POLRMT: variants seen among roughly 807,000 people sequenced by gnomAD.
POLRMT encodes the protein RNA polymerase mitochondrial, also known as DNA-directed RNA polymerase, mitochondrial.
Under a neutral mutation model 132.2 loss-of-function variants are expected in POLRMT, and 114 were observed. That is an observed-to-expected ratio of 0.86 (90% CI 0.74 to 1.01). The LOEUF (loss-of-function observed/expected upper bound fraction) is 1.01, where lower values mean the gene tolerates loss of function less well. Among genes scored for constraint, POLRMT ranks in the 50% least tolerant of loss-of-function variants. POLRMT has a pLI of 0.00. For synonymous variants in POLRMT, 1,020 were observed against 773.4 expected, an observed-to-expected ratio of 1.32 and a Z score of -5.29; for missense variants, 2,003 against 1,729.1, an observed-to-expected ratio of 1.16 and a Z score of -2.81.
chr19:633,170 G>A, intron 1 of POLRMT: 1 of 601,866 alleles, frequency 1.7e-6, no homozygotes, highest in Non-Finnish European at 2.7e-6. Context: ...GGTGCAGCAG[G>A]TCAAAGGTTA....
chr19:622,548 C>T (rs753099345), intron 8 of POLRMT, 34 bp downstream of exon 8: 4 of 1,564,980 alleles, frequency 2.6e-6, no homozygotes. Flanking sequence ...CCACCACTGG[C>T]CCCAGCCAGG....
At chr19:628,227 C>T (rs749474379) in intron 3 of POLRMT, among the ~76,000 whole-genome samples, 1 of 152,188 alleles carries the variant, frequency 6.6e-6, no homozygotes, top group Non-Finnish European at 1.5e-5. Context: ...CTGTGCAAGC[C>T]GCCAGGTTTG....
At chr19:629,466 A>G in intron 3 of POLRMT, 74 bp downstream of exon 3, 1 of 1,353,864 alleles carries the variant, frequency 7.4e-7, no homozygotes, top group South Asian at 2.1e-5. Flanking sequence ...AAGAGAGAAA[A>G]GTCCAGTCTA....
intron 2 of POLRMT, among the ~76,000 whole-genome samples, chr19:632,460 C>T (rs1337585377): frequency 1.3e-5 from 2 of 152,036 alleles, no homozygotes; most frequent in Non-Finnish European, 2.9e-5. Flanking sequence ...GCCTACCCCC[C>T]AGAGCCAAGC....
intron 3 of POLRMT, among the ~76,000 whole-genome samples, chr19:627,398 C>T (rs3787001): frequency 2.0e-5 from 3 of 151,210 alleles, no homozygotes; most frequent in Non-Finnish European, 1.5e-5. Context: ...GTGATCCGCC[C>T]GCCTCAGCCT....
At chr19:631,876 G>C (rs1416145621) in intron 2 of POLRMT, among the ~76,000 whole-genome samples, 1 of 152,156 alleles carries the variant, frequency 6.6e-6, no homozygotes, top group African/African-American at 2.4e-5. Flanking sequence ...CCGGGTTCAA[G>C]CGATTTTCCT....
intron 20 of POLRMT, 47 bp downstream of exon 20, chr19:617,372 C>T: frequency 2.5e-6 from 4 of 1,612,430 alleles, no homozygotes; most frequent in East Asian, 2.2e-5. Context: ...AAGCCCCGCC[C>T]TGGCCCGCAG....
rs1163205935 is a variant in POLRMT at position 617,626 on chromosome 19, G to A, written c.3525C>T (p.His1175=). The A allele has an allele frequency of 1.2e-6, 2 of 1,612,356 alleles. No homozygotes were observed. The highest frequency in any genetic ancestry group is 1.1e-5 in the South Asian group (1 of 91,088). ...ACAGGTCCTGCAGGATGGGCTCGCT[G>A]TGCAAGCGGACAAACTGCTCCCGGC... ...QVCREQFVRL[H]SEPILQDLSR... Residue 1175 remains histidine, a synonymous_variant, in exon 19 of 21, where the codon CAC becomes CAT. Transcript: ENST00000588649.
chr19:618,713 G>A lies in POLRMT; in HGVS notation c.3315C>T (p.Asp1105=), dbSNP rs747904005. Reference sequence around the variant, plus strand: ...CCGGGCCCCCCACTCACCGGCTGATGTCTCCGTTGTGGGTGTAGGTGATGC... The same window carrying A: ...CCGGGCCCCCCACTCACCGGCTGATATCTCCGTTGTGGGTGTAGGTGATGC... The part of the protein sequence containing the change: ...IQSITYTHNG[D]ISRKPNTRKQ... The change falls in exon 16 of 21, where the codon GAC becomes GAT. Residue 1105 remains aspartate (D), a synonymous_variant. Coordinates refer to ENST00000588649, the MANE Select transcript of POLRMT (RefSeq NM_005035.4). 1.3e-5 allele frequency: 21 copies of A among 1,607,756 alleles called. No homozygotes were observed. The highest frequency in any genetic ancestry group is 1.0e-4 in the South Asian group (9 of 90,318).
In POLRMT at chr19:619,217, G is replaced by A; in HGVS notation, c.3146C>T (p.Ala1049Val). The A allele has an allele frequency of 1.2e-6, 2 of 1,611,216 alleles. No individual in the cohort carries two copies. Among genetic ancestry groups the A allele is most frequent in the Non-Finnish European group, 1.7e-6 (2 of 1,179,520 alleles). The change falls in exon 14 of 21, where the codon GCC becomes GTC. Residue 1049 changes from alanine (A) to valine (V), a missense_variant. Ala to Val is a moderately conservative substitution (Grantham distance 64). Coordinates refer to ENST00000588649, the MANE Select transcript of POLRMT (RefSeq NM_005035.4). ...SLQEMFSGTR[A>V]IQHWLTESAR... ...GGACAGGACAGGACGTACCTGGATG[G>A]CCCGGGTCCCCGAGAACATCTCCTG...
rs201385853 is a variant in POLRMT, at chr19:617,486, G to A, written c.3582-6C>T. The A allele has an allele frequency of 1.0e-5, 16 of 1,590,768 alleles. No individual in the cohort carries two copies. The African/African-American group carries it at 1.1e-4, about 11-fold the overall frequency. On this transcript the variant is annotated splice_region_variant and splice_polypyrimidine_tract_variant and intron_variant, in intron 19 of 20. Coordinates refer to ENST00000588649, the MANE Select transcript of POLRMT (RefSeq NM_005035.4). ...CCTCCAAGATCTTCTGGGGCCTGGG[G>A]TTGGAAGCAGGGTGGGGTGAGGCTG...
At chr19:622,468 C>T (rs1443327037) in intron 8 of POLRMT, 95 bp from the exon 9 acceptor site, 2 of 1,462,876 alleles carry the variant, frequency 1.4e-6, no homozygotes, top group African/African-American at 2.8e-5. Context: ...ATCTGTCAGC[C>T]CAAGCATACA....
intron 17 of POLRMT, chr19:618,070 TGCC>T (rs1984151694): frequency 3.7e-6 from 2 of 541,122 alleles, no homozygotes; most frequent in African/African-American, 4.4e-5. Context: ...GCCCCACCCC[TGCC>T]GCCCCCCACG....
chr19:630,193 A>G, intron 2 of POLRMT, 25 bp from the exon 3 acceptor site: 1 of 1,551,870 alleles, frequency 6.4e-7, no homozygotes, highest in African/African-American at 1.4e-5. Context: ...AGGCGAGGAC[A>G]TGAGAGGGAC....
Position 619,496 on chromosome 19 carries a change from C to T in POLRMT, c.3066+90G>A. 2.0e-6 allele frequency: 3 copies of T among 1,530,772 alleles called. No homozygotes were observed. The South Asian group carries it at 3.5e-5, about 18-fold the overall frequency. The allele number at this position is 1,530,772 out of a possible 1,614,324, so 94.8% of individuals were successfully genotyped here. On this transcript the variant is annotated intron_variant, in intron 13 of 20. Transcript: ENST00000588649. ...GTGGTCTGGGGGAGCAGCCAGGGCTCCTGCTGGGAGGCTGGGTCGGGGGCA... is the reference window on the plus strand; with the variant it reads ...GTGGTCTGGGGGAGCAGCCAGGGCTTCTGCTGGGAGGCTGGGTCGGGGGCA...
chr19:621,014 C>T lies in POLRMT; in HGVS notation c.2640+44G>A, dbSNP rs886586834. Reference sequence around the variant, plus strand: ...GGCGCGGGGGCGCCGGGGGAGGGCGCGGGGGTGCCGGGAGGGCGGGGAATG... The same window carrying T: ...GGCGCGGGGGCGCCGGGGGAGGGCGTGGGGGTGCCGGGAGGGCGGGGAATG... On this transcript the variant is annotated intron_variant, in intron 10 of 20. Coordinates refer to ENST00000588649, the MANE Select transcript of POLRMT (RefSeq NM_005035.4). 1.3e-5 allele frequency: 12 copies of T among 913,476 alleles called. 1 individual carries two copies. Among genetic ancestry groups the T allele is most frequent in the Non-Finnish European group, 1.6e-5 (12 of 750,502 alleles). 56.6% of individuals were successfully genotyped at this position (913,476 alleles called of 1,614,324 possible).
chr19:620,525 C>G (rs899670670), intron 10 of POLRMT, 38 bp from the exon 11 acceptor site: 1 of 1,507,230 alleles, frequency 6.6e-7, no homozygotes, highest in East Asian at 2.4e-5. Flanking sequence ...GAGGCCCGGG[C>G]CCGATCCCTG....
In POLRMT at chr19:629,846, G is replaced by A. The variant is rs11550305; in HGVS notation, c.516C>T (p.Ala172=). The A allele has an allele frequency of 0.16, 253,304 of 1,604,718 alleles. 21,667 individuals carry two copies. The highest frequency in any genetic ancestry group is 0.2 in the South Asian group (17,807 of 90,376). ...VEPRLLSKQM[A]GCLEDCTRQA... ...GGCGCGTGCAGTCCTCCAGGCACCC[G>A]GCCATCTGCTTGCTCAGGAGCCGGG... Residue 172 remains alanine (A), a synonymous_variant, in exon 3 of 21, where the codon GCC becomes GCT. Coordinates refer to ENST00000588649, the MANE Select transcript of POLRMT (RefSeq NM_005035.4).
chr19:633,534 C>T lies in POLRMT; in HGVS notation c.-22G>A, dbSNP rs1555678406. 2.1e-6 allele frequency: 3 copies of T among 1,423,692 alleles called. No individual in the cohort carries two copies. Among genetic ancestry groups the T allele is most frequent in the Admixed American group, 2.4e-5 (1 of 42,424 alleles). 88.2% of individuals were successfully genotyped at this position (1,423,692 alleles called of 1,614,324 possible). ...ACATTACGCACGCCGCTCCAGGCCA[C>T]CCCACCGGCCCGCGCCTGCGCATGC... is the stretch of plus-strand genomic sequence containing the variant. On this transcript the variant is annotated 5_prime_UTR_variant, in exon 1 of 21. The change creates a new upstream start codon in the 5' untranslated region. Transcript: ENST00000588649.
Sources: gnomAD v4.1 joint callset for allele counts (sites outside exome capture counted in the v4.1 genomes callset) on GRCh38, gnomAD v4.1.1 for gene constraint, MANE v1.5 for transcripts, NCBI Gene and HGNC (gene_info 2026-07-23, HGNC 2026-07-21) for gene names.